The following TAF4B variants were observed in gnomAD, a reference collection of about 807,000 sequenced individuals.
The protein encoded by TAF4B is transcription initiation factor TFIID subunit 4B.
A neutral mutation model predicts 86.4 loss-of-function variants in TAF4B; 38 were observed. That is an observed-to-expected ratio of 0.44 (90% CI 0.34 to 0.58). The LOEUF is 0.58. TAF4B is among the 20% of genes least tolerant of loss of function. TAF4B has a pLI of 0.02. For synonymous variants in TAF4B, 388 were observed against 391.2 expected (o/e 0.99, Z 0.10); for missense variants, 988 against 1,027.6 (o/e 0.96, Z 0.53).
intron 10 of TAF4B, among the ~76,000 whole-genome samples, chr18:26,318,125 C>G (rs2056930188): frequency 6.6e-6 from 1 of 152,122 alleles, no homozygotes; most frequent in African/African-American, 2.4e-5. Context: ...CCTAACTTCC[C>G]AGGTTCAAGT....
chr18:26,315,189 AC>A, intron 9 of TAF4B, 39 bp from the exon 10 acceptor site: 2 of 1,408,524 alleles, frequency 1.4e-6, no homozygotes, highest in Non-Finnish European at 1.9e-6. Flanking sequence ...ACACACACAC[AC>A]ACAACCTAAA....
At chr18:26,373,462 T>C (rs1456405087) in intron 14 of TAF4B, among the ~76,000 whole-genome samples, 1 of 152,144 alleles carries the variant, frequency 6.6e-6, no homozygotes, top group East Asian at 1.9e-4. Context: ...AATTTTTAAA[T>C]TTAAAATGTT....
At chr18:26,371,867 A>G (rs1321465463) in intron 14 of TAF4B, among the ~76,000 whole-genome samples, 1 of 152,180 alleles carries the variant, frequency 6.6e-6, no homozygotes, top group Non-Finnish European at 1.5e-5. Context: ...GAGAAATTCT[A>G]CTGTGAATTT....
chr18:26,253,362 C>T (rs1024362814), intron 1 of TAF4B, among the ~76,000 whole-genome samples: 5 of 152,114 alleles, frequency 3.3e-5, no homozygotes, highest in Admixed American at 6.5e-5. Flanking sequence ...TTCATTCTAT[C>T]GATAGGGTGT....
At chr18:26,345,296 A>G (rs1031556793) in intron 13 of TAF4B, among the ~76,000 whole-genome samples, 2 of 152,236 alleles carry the variant, frequency 1.3e-5, no homozygotes, top group East Asian at 1.9e-4. Flanking sequence ...CTCACCAGAC[A>G]TGTCTTTAGA....
chr18:26,264,501 T>G (rs552667370), intron 1 of TAF4B, among the ~76,000 whole-genome samples: 1 of 152,174 alleles, frequency 6.6e-6, no homozygotes, highest in African/African-American at 2.4e-5. Flanking sequence ...TGGTTATAGA[T>G]TGTTGAACTA....
At chr18:26,359,593 T>A (rs1245515217) in intron 14 of TAF4B, among the ~76,000 whole-genome samples, 1 of 152,202 alleles carries the variant, frequency 6.6e-6, no homozygotes, top group African/African-American at 2.4e-5. Context: ...TCTGAAATGG[T>A]TGACTGTAGC....
intron 14 of TAF4B, among the ~76,000 whole-genome samples, chr18:26,368,665 T>G (rs1487987497): frequency 6.6e-6 from 1 of 152,212 alleles, no homozygotes; most frequent in Non-Finnish European, 1.5e-5. Flanking sequence ...CAGTAGAATT[T>G]AGAACATGCC....
intron 13 of TAF4B, among the ~76,000 whole-genome samples, chr18:26,352,937 A>G (rs966080998): frequency 6.6e-5 from 10 of 152,326 alleles, no homozygotes; most frequent in South Asian, 2.1e-4. Context: ...TTGAATTTGT[A>G]ATTAAAACCT....
At chr18:26,271,891 C>T (rs2056323093) in intron 3 of TAF4B, among the ~76,000 whole-genome samples, 1 of 146,082 alleles carries the variant, frequency 6.8e-6, no homozygotes, top group Non-Finnish European at 1.5e-5. Flanking sequence ...CGCACCACTG[C>T]ACTCCAGCCT....
At chr18:26,340,986 G>A (rs552180603) in intron 13 of TAF4B, among the ~76,000 whole-genome samples, 1 of 152,114 alleles carries the variant, frequency 6.6e-6, no homozygotes, top group Admixed American at 6.5e-5. Flanking sequence ...ACCTTAAATG[G>A]AAAAGAAAAT....
intron 6 of TAF4B, among the ~76,000 whole-genome samples, 176 bp downstream of exon 6, chr18:26,282,236 A>G (rs925407800): frequency 5.9e-5 from 9 of 152,198 alleles, no homozygotes; most frequent in Non-Finnish European, 1.0e-4. Context: ...TTTAATTTGG[A>G]CACTTTGAAA....
intron 3 of TAF4B, among the ~76,000 whole-genome samples, chr18:26,271,859 G>A (rs1229735831): frequency 2.0e-5 from 3 of 150,890 alleles, no homozygotes; most frequent in Non-Finnish European, 3.0e-5. Context: ...CCCAGGAGGC[G>A]GAGATTGCAG....
intron 1 of TAF4B, among the ~76,000 whole-genome samples, chr18:26,240,384 T>C (rs2055818547): frequency 6.6e-6 from 1 of 152,226 alleles, no homozygotes; most frequent in Admixed American, 6.5e-5. Flanking sequence ...GGCTCTCTGT[T>C]TGTCTGTTAT....
intron 1 of TAF4B, among the ~76,000 whole-genome samples, chr18:26,231,034 C>CTTTTTTTTTTTTTTTTTTTTTTTT (rs536863843): frequency 6.0e-5 from 4 of 66,162 alleles, no homozygotes; most frequent in Non-Finnish European, 1.1e-4. Context: ...TGTTGTTTTG[C>CTTTTTTTTTTTTTTTTTTTTTTTT]TTTTTTTTTT....
In TAF4B at chr18:26,285,887, C is replaced by T. The variant is rs12456749; in HGVS notation, c.978C>T (p.Ser326=). The T allele has an allele frequency of 0.26, 410,436 of 1,599,418 alleles. 57,689 individuals carry two copies. Among genetic ancestry groups the T allele is most frequent in the Non-Finnish European group, 0.29 (342,526 of 1,171,450 alleles). ...QPHLVPFLKK[S]VVALRQLLPN... ...CCATTCCTCTGCATTTCCAGAAAAG[C>T]GTGGTTGCCTTACGACAACTTCTGC... Residue 326 remains serine (S), a synonymous_variant, in exon 7 of 15, where the codon AGC becomes AGT. Coordinates refer to ENST00000269142, the MANE Select transcript of TAF4B (RefSeq NM_005640.3).
intron 9 of TAF4B, among the ~76,000 whole-genome samples, chr18:26,294,040 A>G (rs1791771): frequency 0.93 from 141,758 of 152,166 alleles, 66,326 homozygotes; most frequent in East Asian, 0.99. Context: ...GATCTTTTTC[A>G]CTATTGATGG....
intron 3 of TAF4B, among the ~76,000 whole-genome samples, chr18:26,269,297 GT>G (rs2056283672): frequency 6.6e-6 from 1 of 152,048 alleles, no homozygotes; most frequent in Admixed American, 6.6e-5. Flanking sequence ...TGATCTATGG[GT>G]TTGTCCTGTT....
rs559865572 is a variant in TAF4B at position 26,307,318 on chromosome 18, A to G, written c.1833-7911A>G. Reference sequence around the variant, plus strand: ...TTCTGCTAAGAAGATTCTGTTTTCTATTCTGCTTGTCAGTATAGCTGGGGT... The same window carrying G: ...TTCTGCTAAGAAGATTCTGTTTTCTGTTCTGCTTGTCAGTATAGCTGGGGT... On this transcript the variant is annotated intron_variant, in intron 9 of 14. Transcript: ENST00000269142. 1.2e-4 allele frequency among the ~76,000 whole-genome samples: 18 copies of G among 152,206 alleles called. No homozygotes were observed. The South Asian group carries it at 1.7e-3, about 14-fold the overall frequency.
Sources: allele counts gnomAD v4.1 joint callset (sites outside exome capture counted in the v4.1 genomes callset), GRCh38; gene constraint gnomAD v4.1.1; transcripts MANE v1.5; gene names NCBI Gene and HGNC (gene_info 2026-07-23, HGNC 2026-07-21).